The following PCDHGA8 variants were observed in gnomAD, a reference collection of about 807,000 sequenced individuals.
PCDHGA8 encodes protocadherin gamma subfamily A, 8, also known as protocadherin gamma-A8.
In PCDHGA8, 45 loss-of-function variants were observed where a neutral mutation model predicts 59.2. That is an observed-to-expected ratio of 0.76 (90% CI 0.60 to 0.98). The LOEUF (loss-of-function observed/expected upper bound fraction) is 0.98. PCDHGA8 is among the 50% of genes least tolerant of loss of function. PCDHGA8 has a pLI of 0.00. For missense variants in PCDHGA8, 1,257 were observed against 1,196.2 expected, an observed-to-expected ratio of 1.05 and a Z score of -0.75; for synonymous variants, 531 against 519.0, an observed-to-expected ratio of 1.02 and a Z score of -0.32.
intron 1 of PCDHGA8, chr5:141,479,196 C>T (rs2099489838): frequency 2.0e-5 from 3 of 152,432 alleles, no homozygotes; most frequent in African/African-American, 7.2e-5. Context: ...TCAGAAAATA[C>T]AGAAAAGTAT....
At position 141,392,668 on chromosome 5, in the gene PCDHGA8, C is replaced by T; in HGVS notation, c.-146C>T. ...AAGACCCGCAGATGCCACAAACTAA[C>T]TGCTGGACTGCAGCGAAACCCGACC... is the stretch of plus-strand genomic sequence containing the variant. On this transcript the variant is annotated 5_prime_UTR_variant, in exon 1 of 4. Transcript: ENST00000398604. 2 of 849,812 alleles carry T rather than the reference C, an allele frequency of 2.4e-6. No individual in the cohort carries two copies. The highest frequency in any genetic ancestry group is 3.2e-5 in the Admixed American group (1 of 31,244). The allele number at this position is 849,812 out of a possible 1,614,324, so 52.6% of individuals were successfully genotyped here.
At chr5:141,426,029 A>G (rs576464127) in intron 1 of PCDHGA8, among the ~76,000 whole-genome samples, 13 of 152,216 alleles carry the variant, frequency 8.5e-5, no homozygotes, top group Non-Finnish European at 1.9e-4. Flanking sequence ...AAATAGACTC[A>G]GAGCCCTGCT....
At chr5:141,480,927 C>T (rs1562083028) in intron 1 of PCDHGA8, among the ~76,000 whole-genome samples, 1 of 152,090 alleles carries the variant, frequency 6.6e-6, no homozygotes, top group Non-Finnish European at 1.5e-5. Context: ...TACCTGTAGT[C>T]CCAGCTACTC....
In PCDHGA8 at chr5:141,410,160, C is replaced by T. The variant is rs767993789; in HGVS notation, c.2424+14923C>T. ...GCTGTGCGTGACGGTGGACAGCCGC[C>T]ACTCTCTGCCACCGCCACGCTTCAT... On this transcript the variant is annotated intron_variant, in intron 1 of 3. Transcript: ENST00000398604. 100 of 1,613,580 alleles carry T rather than the reference C, an allele frequency of 6.2e-5. No individual in the cohort carries two copies. In the Middle Eastern group the frequency reaches 2.1e-3, roughly 34 times the overall value.
intron 1 of PCDHGA8, chr5:141,423,750 TGGGGGG>T: frequency 3.5e-6 from 1 of 287,482 alleles, no homozygotes; most frequent in Non-Finnish European, 4.5e-6. Flanking sequence ...GAAAACTGTT[TGGGGGG>T]GGGGTGGGGC....
intron 1 of PCDHGA8, chr5:141,418,786 TGAA>T: frequency 1.2e-6 from 2 of 1,613,854 alleles, no homozygotes; most frequent in Non-Finnish European, 8.5e-7. Flanking sequence ...CTTTGGATTT[TGAA>T]GAAGTAGAAA....
rs561908431 is a variant in PCDHGA8, at chr5:141,510,639, TATC to T, written c.2573-304_2573-302del. Among the ~76,000 whole-genome samples the T allele has an allele frequency of 8.5e-3, 1,289 of 152,298 alleles. 6 individuals carry two copies. Among genetic ancestry groups the T allele is most frequent in the Middle Eastern group, 0.058 (17 of 294 alleles). On this transcript the variant is annotated intron_variant, in intron 3 of 3. Transcript: ENST00000398604. ...TAAAACCAGAAGAGGTGGTTACCAT[TATC>T]ATCCCCATTTTGCAGATGAGAAAAC...
At position 141,431,248 on chromosome 5, in the gene PCDHGA8, G is replaced by T. The variant is rs1213088915; in HGVS notation, c.2424+36011G>T. ...CCCACGCCTGGGATCCGGATATCGG[G>T]AAGAACTCTCTGCAGAGCTACGAGC... On this transcript the variant is annotated intron_variant, in intron 1 of 3. Coordinates refer to ENST00000398604, the MANE Select transcript of PCDHGA8 (RefSeq NM_032088.2). The surrounding 1 kb of genome is among the most constrained non-coding windows in gnomAD (Gnocchi z 4.8). 6.2e-7 allele frequency: 1 copy of T among 1,614,022 alleles called. No individual in the cohort carries two copies. The highest frequency in any genetic ancestry group is 8.5e-7 in the Non-Finnish European group (1 of 1,180,056).
chr5:141,421,569 C>T (rs1029858235), intron 1 of PCDHGA8: 2 of 1,613,884 alleles, frequency 1.2e-6, no homozygotes, highest in Non-Finnish European at 1.7e-6. Flanking sequence ...TGGAAGACAC[C>T]TTGAAGATTT....
At chr5:141,450,516 C>T (rs150995579) in intron 1 of PCDHGA8, among the ~76,000 whole-genome samples, 2,020 of 152,024 alleles carry the variant, frequency 0.013, 56 homozygotes, top group African/African-American at 0.046. Context: ...GATGGAGTCT[C>T]ATTCTTGTCA....
At position 141,486,923 on chromosome 5, in the gene PCDHGA8, G is replaced by A. The variant is rs1377159895; in HGVS notation, c.2425-7884G>A. ...ATGTCCCCAAGCACTGCCTCCATCAGTTGGTGCTGGCCACCTAATCACAAA... is the reference window on the plus strand; with the variant it reads ...ATGTCCCCAAGCACTGCCTCCATCAATTGGTGCTGGCCACCTAATCACAAA... On this transcript the variant is annotated intron_variant, in intron 1 of 3. Transcript: ENST00000398604. This position sits in a 1 kb window ranked among gnomAD's most constrained non-coding sequence, Gnocchi z 5.0. 6.2e-7 allele frequency: 1 copy of A among 1,614,252 alleles called. No individual in the cohort carries two copies. Among genetic ancestry groups the A allele is most frequent in the Admixed American group, 1.7e-5 (1 of 60,028 alleles).
chr5:141,484,512 G>A (rs1178383152), intron 1 of PCDHGA8, among the ~76,000 whole-genome samples: 47 of 152,196 alleles, frequency 3.1e-4, no homozygotes, highest in Non-Finnish European at 4.0e-4. Context: ...TTCTGCAGAA[G>A]GGCAGAGTTT....
At position 141,490,776 on chromosome 5, in the gene PCDHGA8, G is replaced by A. The variant is rs1234115299; in HGVS notation, c.2425-4031G>A. 4.3e-6 allele frequency: 7 copies of A among 1,614,162 alleles called. No individual in the cohort carries two copies. Among genetic ancestry groups the A allele is most frequent in the African/African-American group, 1.3e-5 (1 of 75,066 alleles). On this transcript the variant is annotated intron_variant, in intron 1 of 3. Transcript: ENST00000398604. This position sits in a 1 kb window ranked among gnomAD's most constrained non-coding sequence, Gnocchi z 5.4. ...CCTCCTTTGTGTATGTCAACCCAGA[G>A]GATGGACGGATCTTTGCCCAGCGTA...
chr5:141,404,982 G>GGATTA (rs1244941764), intron 1 of PCDHGA8: 10 of 1,613,938 alleles, frequency 6.2e-6, no homozygotes, highest in Non-Finnish European at 8.5e-6. Context: ...GACCTGGGCA[G>GGATTA]TCTTCAGATC....
chr5:141,485,106 T>A lies in PCDHGA8; in HGVS notation c.2425-9701T>A, dbSNP rs2099607051. 8.3e-7 allele frequency: 1 copy of A among 1,206,448 alleles called. No individual in the cohort carries two copies. Among genetic ancestry groups the A allele is most frequent in the Admixed American group, 1.8e-5 (1 of 55,050 alleles). 74.7% of individuals were successfully genotyped at this position (1,206,448 alleles called of 1,614,324 possible). On this transcript the variant is annotated intron_variant, in intron 1 of 3. Coordinates refer to ENST00000398604, the MANE Select transcript of PCDHGA8 (RefSeq NM_032088.2). The surrounding 1 kb of genome is among the most constrained non-coding windows in gnomAD (Gnocchi z 5.7). ...GGGAGATAGGTGTCTCCAGCTGCTG[T>A]GGCTGTTTGGGGCGGGTCGGCTTCA...
intron 1 of PCDHGA8, chr5:141,421,770 G>A: frequency 6.2e-7 from 1 of 1,613,856 alleles, no homozygotes; most frequent in Non-Finnish European, 8.5e-7. Context: ...ACTTTTCCTT[G>A]CAACTGCGGG....
chr5:141,410,032 G>C (rs1395086834), intron 1 of PCDHGA8: 5 of 1,613,162 alleles, frequency 3.1e-6, no homozygotes, highest in African/African-American at 1.3e-5. Flanking sequence ...ACGTGCTGCA[G>C]GCCAGTGAGC....
chr5:141,413,352 G>C lies in PCDHGA8; in HGVS notation c.2424+18115G>C, dbSNP rs896091511. ...ACATCTCCAAGGACTTGGGTCTGGC[G>C]CCCCGGGAGCTGGCGGAGCGCGGAG... On this transcript the variant is annotated intron_variant, in intron 1 of 3. Coordinates refer to ENST00000398604, the MANE Select transcript of PCDHGA8 (RefSeq NM_032088.2). 1.9e-6 allele frequency: 3 copies of C among 1,613,858 alleles called. No homozygotes were observed. In the African/African-American group the frequency reaches 4.0e-5, roughly 22 times the overall value.
intron 1 of PCDHGA8, chr5:141,441,823 C>T (rs538052540): frequency 3.9e-5 from 14 of 357,336 alleles, no homozygotes; most frequent in Non-Finnish European, 6.6e-5. Context: ...AGCTCTGGAG[C>T]GCAATGGCTT....
Sources: gnomAD v4.1 joint callset for allele counts (sites outside exome capture counted in the v4.1 genomes callset) on GRCh38, gnomAD v4.1.1 for gene constraint, Gnocchi (gnomAD v3.1) non-coding constraint, MANE v1.5 for transcripts, NCBI Gene and HGNC (gene_info 2026-07-23, HGNC 2026-07-21) for gene names.